The following JAKMIP2 variants were observed in gnomAD, a reference collection of about 807,000 sequenced individuals.
JAKMIP2 encodes janus kinase and microtubule interacting protein 2.
JAKMIP2 carries 25 observed loss-of-function variants against 115.0 expected under a neutral mutation model. That is an observed-to-expected ratio of 0.22 (90% CI 0.16 to 0.30). The LOEUF is 0.30. Ranked by LOEUF, JAKMIP2 falls within the 10% of genes least tolerant of loss-of-function variation. The pLI, the probability that JAKMIP2 is intolerant of heterozygous loss-of-function variation, is 1.00. For missense variants in JAKMIP2, 642 were observed against 957.6 expected, an observed-to-expected ratio of 0.67 and a Z score of 4.35; for synonymous variants, 334 against 343.6, an observed-to-expected ratio of 0.97 and a Z score of 0.31.
intron 2 of JAKMIP2, 123 bp from the exon 3 acceptor site, chr5:147,661,568 GGCCCTCT>G: frequency 9.8e-7 from 1 of 1,018,250 alleles, no homozygotes; most frequent in Admixed American, 2.6e-5. Context: ...TCCAATTCCA[GGCCCTCT>G]GAGAAAAAAG....
At chr5:147,666,328 C>A (rs561703086) in intron 2 of JAKMIP2, among the ~76,000 whole-genome samples, 1 of 152,122 alleles carries the variant, frequency 6.6e-6, no homozygotes, top group East Asian at 1.9e-4. Flanking sequence ...AAATTATAAA[C>A]TATTCCTGAG....
At chr5:147,636,071 A>G (rs1175703271) in intron 12 of JAKMIP2, 151 bp downstream of exon 12, 5 of 624,622 alleles carry the variant, frequency 8.0e-6, no homozygotes, top group South Asian at 1.9e-5. Flanking sequence ...GGTGACAGGG[A>G]TGCGGTTGAG....
At chr5:147,623,218 T>G (rs1581308030) in intron 17 of JAKMIP2, among the ~76,000 whole-genome samples, 1 of 149,808 alleles carries the variant, frequency 6.7e-6, no homozygotes, top group African/African-American at 2.5e-5. Context: ...GGTCTTTTGT[T>G]CTACTCTTTT....
At chr5:147,615,876 T>A (rs956741604) in intron 19 of JAKMIP2, among the ~76,000 whole-genome samples, 1 of 152,008 alleles carries the variant, frequency 6.6e-6, no homozygotes, top group Non-Finnish European at 1.5e-5. Context: ...CAGAGAACAT[T>A]TGGCAGTACC....
intron 1 of JAKMIP2, among the ~76,000 whole-genome samples, chr5:147,673,454 C>A (rs531351371): frequency 6.6e-6 from 1 of 152,228 alleles, no homozygotes; most frequent in African/African-American, 2.4e-5. Flanking sequence ...ATGCTGGGAT[C>A]CTGGGCTTTG....
At chr5:147,751,127 A>C (rs963731329) in intron 1 of JAKMIP2, among the ~76,000 whole-genome samples, 28 of 151,006 alleles carry the variant, frequency 1.9e-4, no homozygotes, top group Admixed American at 4.6e-4. Flanking sequence ...GCTGGAGTGC[A>C]GTGGCATGAT....
At chr5:147,777,398 A>T (rs1359844595) in intron 1 of JAKMIP2, among the ~76,000 whole-genome samples, 1 of 152,212 alleles carries the variant, frequency 6.6e-6, no homozygotes, top group Non-Finnish European at 1.5e-5. Context: ...ATAGATGGCC[A>T]CTATACATAA....
At chr5:147,613,467 T>C (rs1756428317) in intron 19 of JAKMIP2, among the ~76,000 whole-genome samples, 2 of 152,154 alleles carry the variant, frequency 1.3e-5, no homozygotes, top group African/African-American at 2.4e-5. Flanking sequence ...ATCTCAACTG[T>C]TTGTCTCTCC....
chr5:147,641,750 G>A lies in JAKMIP2; in HGVS notation c.1239C>T (p.Leu413=). ...TTCTTCTATGCTTTCTTCTACGGAT[G>A]AGCTTTTCTCGGTCCTGGAAAACAG... ...IDELTRDREK[L]IRRRKHRRSS... is the part of the protein sequence containing the mutation. The change falls in exon 8 of 22, where the codon CTC becomes CTT. Residue 413 remains leucine (L), a synonymous_variant. Coordinates refer to ENST00000616793, the MANE Select transcript of JAKMIP2 (RefSeq NM_001270941.2). 2 of 1,613,150 alleles carry A rather than the reference G, an allele frequency of 1.2e-6. No individual in the cohort carries two copies. Among genetic ancestry groups the A allele is most frequent in the Non-Finnish European group, 1.7e-6 (2 of 1,179,276 alleles).
intron 1 of JAKMIP2, among the ~76,000 whole-genome samples, chr5:147,724,477 T>C (rs1301881137): frequency 1.3e-5 from 2 of 152,216 alleles, no homozygotes; most frequent in Non-Finnish European, 2.9e-5. Context: ...TATGTACTTG[T>C]TGTACCCAGC....
At chr5:147,660,919 C>T in intron 3 of JAKMIP2, 29 bp downstream of exon 3, 1 of 1,606,850 alleles carries the variant, frequency 6.2e-7, no homozygotes, top group Non-Finnish European at 8.5e-7. Context: ...ATGGGTTCTA[C>T]ATGGGTCTGA....
At chr5:147,666,432 C>A (rs984505810) in intron 2 of JAKMIP2, among the ~76,000 whole-genome samples, 6 of 151,954 alleles carry the variant, frequency 3.9e-5, no homozygotes, top group Non-Finnish European at 8.8e-5. Flanking sequence ...AGATGTTTTA[C>A]GGAGAAAAAT....
chr5:147,762,128 G>A (rs951722188), intron 1 of JAKMIP2, among the ~76,000 whole-genome samples: 1 of 152,016 alleles, frequency 6.6e-6, no homozygotes, highest in Non-Finnish European at 1.5e-5. Context: ...TTTGTTTGAT[G>A]TAATTCTTTG....
intron 19 of JAKMIP2, among the ~76,000 whole-genome samples, chr5:147,614,073 A>G (rs554884039): frequency 6.6e-6 from 1 of 152,322 alleles, no homozygotes; most frequent in South Asian, 2.1e-4. Flanking sequence ...ATATGGAGGC[A>G]AGTACTATAT....
At chr5:147,602,134 A>G (rs566883581) in intron 20 of JAKMIP2, among the ~76,000 whole-genome samples, 1 of 152,328 alleles carries the variant, frequency 6.6e-6, no homozygotes, top group East Asian at 1.9e-4. Flanking sequence ...TGGCACAGTG[A>G]GGGCTAAAGC....
chr5:147,728,565 AT>A (rs1158391300), intron 1 of JAKMIP2, among the ~76,000 whole-genome samples: 2 of 152,182 alleles, frequency 1.3e-5, no homozygotes, highest in African/African-American at 4.8e-5. Flanking sequence ...CTGTGTATTT[AT>A]ATTTGTTGTG....
At chr5:147,678,501 C>A (rs1028884912) in intron 1 of JAKMIP2, among the ~76,000 whole-genome samples, 1 of 152,160 alleles carries the variant, frequency 6.6e-6, no homozygotes, top group African/African-American at 2.4e-5. Context: ...GTACTTTATA[C>A]CACATTCTCT....
At chr5:147,711,080 A>G (rs1034553843) in intron 1 of JAKMIP2, among the ~76,000 whole-genome samples, 3 of 152,252 alleles carry the variant, frequency 2.0e-5, no homozygotes, top group African/African-American at 4.8e-5. Flanking sequence ...GAATAGATCT[A>G]CTTTAAAAAT....
chr5:147,726,361 T>C (rs1171987818), intron 1 of JAKMIP2, among the ~76,000 whole-genome samples: 1 of 152,124 alleles, frequency 6.6e-6, no homozygotes, highest in Non-Finnish European at 1.5e-5. Flanking sequence ...AGGGCTGTGG[T>C]GTGGCGAGCC....
Sources: allele counts gnomAD v4.1 joint callset (sites outside exome capture counted in the v4.1 genomes callset), GRCh38; gene constraint gnomAD v4.1.1; transcripts MANE v1.5; gene names NCBI Gene and HGNC (gene_info 2026-07-23, HGNC 2026-07-21).